The following NELL1 variants were observed in gnomAD, a reference collection of about 807,000 sequenced individuals.
NELL1 encodes protein kinase C-binding protein NELL1.
NELL1 carries 76 observed loss-of-function variants against 107.4 expected under a neutral mutation model. The observed-to-expected ratio is 0.71, with a 90% CI of 0.59 to 0.86. The LOEUF (loss-of-function observed/expected upper bound fraction) is 0.86. Ranked by LOEUF, NELL1 falls within the 40% of genes least tolerant of loss-of-function variation. NELL1 has a pLI of 0.00. For synonymous variants in NELL1, 353 were observed against 341.2 expected (o/e 1.03, Z -0.38); for missense variants, 1,024 against 1,005.5 (o/e 1.02, Z -0.25).
chr11:20,894,602 A>G (rs1389101330), intron 5 of NELL1, among the ~76,000 whole-genome samples: 1 of 152,226 alleles, frequency 6.6e-6, no homozygotes, highest in African/African-American at 2.4e-5. Context: ...GGGTCAAATT[A>G]AAAACACAGA....
At position 20,726,193 on chromosome 11, in the gene NELL1, A is replaced by G. The variant is rs78983231; in HGVS notation, c.184+48133A>G. 7.7e-3 allele frequency among the ~76,000 whole-genome samples: 1,175 copies of G among 152,312 alleles called. 14 individuals carry two copies. Among genetic ancestry groups the G allele is most frequent in the African/African-American group, 0.027 (1,120 of 41,574 alleles). On this transcript the variant is annotated intron_variant, in intron 2 of 19. Coordinates refer to ENST00000357134, the MANE Select transcript of NELL1 (RefSeq NM_006157.5). ...CCATGTCTTTGCCATTGGGAATAGC[A>G]CTGTGATGAACATGCAAGCACATAT...
chr11:20,699,329 A>T (rs34636038), intron 2 of NELL1, among the ~76,000 whole-genome samples: 60,621 of 151,914 alleles, frequency 0.4, 13,977 homozygotes, highest in African/African-American at 0.63. Context: ...TAGTATTCCA[A>T]GGTATATATA....
chr11:21,573,713 AAAAAG>A (rs1857157265), intron 19 of NELL1, among the ~76,000 whole-genome samples: 1 of 151,840 alleles, frequency 6.6e-6, no homozygotes, highest in Non-Finnish European at 1.5e-5. Flanking sequence ...CATATTAAAT[AAAAAG>A]AAAAGAAAGA....
intron 15 of NELL1, among the ~76,000 whole-genome samples, chr11:21,441,419 G>T (rs1341469029): frequency 6.8e-6 from 1 of 146,136 alleles, no homozygotes; most frequent in Non-Finnish European, 1.5e-5. Flanking sequence ...TCTTTTGATG[G>T]GTTTTATCTT....
chr11:20,977,731 C>T (rs1851667362), intron 12 of NELL1, among the ~76,000 whole-genome samples: 2 of 152,226 alleles, frequency 1.3e-5, no homozygotes. Context: ...TGTTGACTCT[C>T]TAATAACCAG....
intron 2 of NELL1, among the ~76,000 whole-genome samples, chr11:20,704,989 A>G (rs1274359259): frequency 3.9e-5 from 6 of 152,150 alleles, no homozygotes; most frequent in Non-Finnish European, 7.4e-5. Context: ...AGAACTACAA[A>G]CCACTGCTCA....
At chr11:21,196,595 A>G (rs1346293633) in intron 13 of NELL1, among the ~76,000 whole-genome samples, 1 of 151,852 alleles carries the variant, frequency 6.6e-6, no homozygotes, top group Non-Finnish European at 1.5e-5. Context: ...AGGCCTCTCT[A>G]TCTATTTTAG....
chr11:21,367,208 G>A (rs914947045), intron 14 of NELL1, among the ~76,000 whole-genome samples: 1 of 151,534 alleles, frequency 6.6e-6, no homozygotes, highest in African/African-American at 2.4e-5. Flanking sequence ...CTCCTCCAGT[G>A]CAGCAAGTTA....
intron 14 of NELL1, among the ~76,000 whole-genome samples, chr11:21,258,270 T>A (rs1293300773): frequency 6.6e-6 from 1 of 152,010 alleles, no homozygotes; most frequent in Non-Finnish European, 1.5e-5. Flanking sequence ...CTTGATAACA[T>A]CCTATGGATG....
At chr11:21,023,953 A>T (rs2134306365) in intron 12 of NELL1, among the ~76,000 whole-genome samples, 1 of 152,246 alleles carries the variant, frequency 6.6e-6, no homozygotes, top group Admixed American at 6.5e-5. Context: ...GTTGCATAGA[A>T]ACTATTCTAC....
intron 12 of NELL1, among the ~76,000 whole-genome samples, chr11:20,988,789 A>T (rs1348504963): frequency 6.6e-6 from 1 of 151,530 alleles, no homozygotes; most frequent in Non-Finnish European, 1.5e-5. Flanking sequence ...GGGTTTCACC[A>T]TGTTAGCCAG....
rs1233824200 is a variant in NELL1, at chr11:21,320,635, G to GGAATTGCTGCCTT, written c.1550-50218_1550-50217insGAATTGCTGCCTT. Among the ~76,000 whole-genome samples the GGAATTGCTGCCTT allele has an allele frequency of 1.3e-4, 20 of 152,276 alleles. No homozygotes were observed. The East Asian group carries it at 3.7e-3, about 28-fold the overall frequency. On this transcript the variant is annotated intron_variant, in intron 14 of 19. Transcript: ENST00000357134. The stretch of plus-strand genomic sequence containing the variant: ...AATTGCTGTTTATTCCATCAGGGCT[G>GGAATTGCTGCCTT]AGGCTCTTAATTGCTCTCTTAGAAT...
At chr11:21,250,435 C>T (rs1470517325) in intron 14 of NELL1, among the ~76,000 whole-genome samples, 1 of 152,202 alleles carries the variant, frequency 6.6e-6, no homozygotes, top group Non-Finnish European at 1.5e-5. Context: ...CTGCAGGGCT[C>T]TTCCTTGCTC....
At chr11:20,995,378 GAGCATGGTGCC>G (rs1398528574) in intron 12 of NELL1, among the ~76,000 whole-genome samples, 1 of 151,976 alleles carries the variant, frequency 6.6e-6, no homozygotes, top group Non-Finnish European at 1.5e-5. Context: ...TCAGGAGTTT[GAGCATGGTGCC>G]AGCATGGTGA....
chr11:21,470,968 A>G (rs1160190089), intron 15 of NELL1, among the ~76,000 whole-genome samples: 1 of 152,108 alleles, frequency 6.6e-6, no homozygotes, highest in African/African-American at 2.4e-5. Flanking sequence ...TTAATAAGCT[A>G]TTTTTTACAT....
At chr11:20,726,102 T>A (rs949931522) in intron 2 of NELL1, among the ~76,000 whole-genome samples, 2 of 152,198 alleles carry the variant, frequency 1.3e-5, no homozygotes, top group African/African-American at 2.4e-5. Flanking sequence ...CTGCATAATA[T>A]TCCATGGCAC....
At chr11:20,786,377 G>A (rs143548327) in intron 3 of NELL1, among the ~76,000 whole-genome samples, 2 of 151,694 alleles carry the variant, frequency 1.3e-5, no homozygotes, top group Admixed American at 6.6e-5. Flanking sequence ...AAAAAGGCGG[G>A]GGGAGAAGAA....
intron 15 of NELL1, among the ~76,000 whole-genome samples, chr11:21,413,562 C>G (rs1820923579): frequency 6.6e-6 from 1 of 152,026 alleles, no homozygotes; most frequent in Non-Finnish European, 1.5e-5. Flanking sequence ...TGCCTAAGGC[C>G]TCACATGGGT....
intron 15 of NELL1, among the ~76,000 whole-genome samples, chr11:21,413,677 A>G (rs1400012260): frequency 6.6e-6 from 1 of 152,008 alleles, no homozygotes; most frequent in Admixed American, 6.6e-5. Context: ...AAGGTGGCCC[A>G]ACTGCATGGT....
Sources: gnomAD v4.1 joint callset for allele counts (sites outside exome capture counted in the v4.1 genomes callset) on GRCh38, gnomAD v4.1.1 for gene constraint, MANE v1.5 for transcripts, NCBI Gene and HGNC (gene_info 2026-07-23, HGNC 2026-07-21) for gene names.